Variants in ZNF654 observed in about 807,000 individuals in gnomAD.
The protein encoded by ZNF654 is melanoma-associated antigen.
A neutral mutation model predicts 95.3 loss-of-function variants in ZNF654; 19 were observed. That is an observed-to-expected ratio of 0.20 (90% CI 0.14 to 0.29). The LOEUF is 0.29. ZNF654 is among the 10% of genes least tolerant of loss of function. The probability of loss-of-function intolerance (pLI) is 1.00; values close to 1 mark genes in which losing one functional copy is unlikely to be tolerated. For synonymous variants in ZNF654, 413 were observed against 457.9 expected (o/e 0.90, Z 1.25); for missense variants, 1,046 against 1,341.0 (o/e 0.78, Z 3.44).
At chr3:88,064,269 A>C (rs1345595479) in intron 1 of ZNF654, among the ~76,000 whole-genome samples, 2 of 152,060 alleles carry the variant, frequency 1.3e-5, no homozygotes, top group Admixed American at 6.6e-5. Context: ...GTTGTTTTAG[A>C]TGGAATCAGT....
intron 2 of ZNF654, among the ~76,000 whole-genome samples, chr3:88,106,004 C>T (rs1008266402): frequency 1.3e-5 from 2 of 152,270 alleles, no homozygotes; most frequent in Admixed American, 6.5e-5. Context: ...AGCCTTCTTC[C>T]TCTCCAGAGG....
chr3:88,059,467 G>C lies in ZNF654; in HGVS notation c.148G>C (p.Gly50Arg). The C allele has an allele frequency of 1.3e-6, 2 of 1,519,806 alleles. No homozygotes were observed. The highest frequency in any genetic ancestry group is 1.2e-5 in the South Asian group (1 of 82,334). 94.1% of individuals were successfully genotyped at this position (1,519,806 alleles called of 1,614,324 possible). The change falls in exon 1 of 9, where the codon GGA (glycine) becomes CGA (arginine). Residue 50 changes from glycine (G) to arginine (R), a missense_variant. By Grantham distance (125) the Gly-to-Arg change is moderately radical. This residue lies in a region of ZNF654 where 89 missense variants were observed against 77.9 expected (regional missense o/e 1.14). Coordinates refer to ENST00000636215, the MANE Select transcript of ZNF654 (RefSeq NM_001350134.2). ...AGSGNCGGGV[G>R]ISSRDYCRRF... is the part of the protein sequence containing the mutation. ...CAGCGGCAACTGCGGCGGCGGCGTCGGAATCAGCAGTCGGGATTACTGCCG... is the reference window on the plus strand; with the variant it reads ...CAGCGGCAACTGCGGCGGCGGCGTCCGAATCAGCAGTCGGGATTACTGCCG...
chr3:88,100,584 G>T (rs927978182), intron 2 of ZNF654, among the ~76,000 whole-genome samples: 6 of 152,292 alleles, frequency 3.9e-5, no homozygotes, highest in Admixed American at 2.0e-4. Flanking sequence ...TGATAGACTG[G>T]ATTAAGAAAA....
At chr3:88,108,948 G>A (rs780081907) in intron 2 of ZNF654, among the ~76,000 whole-genome samples, 18 of 152,102 alleles carry the variant, frequency 1.2e-4, no homozygotes, top group East Asian at 1.9e-4. Flanking sequence ...ACCTCAAACC[G>A]CAAAATTTAA....
Position 88,140,902 on chromosome 3 carries a change from C to G in ZNF654, c.3233C>G (p.Ser1078Cys), listed in dbSNP as rs1559739177. 2 of 1,613,490 alleles carry G rather than the reference C, an allele frequency of 1.2e-6. No homozygotes were observed. The highest frequency in any genetic ancestry group is 1.7e-6 in the Non-Finnish European group (2 of 1,179,628). ...CTGACTGATAGAGTAGATGCCTGTTCTGATCAAGATAACGTGTATAAAAAA... is the reference window on the plus strand; with the variant it reads ...CTGACTGATAGAGTAGATGCCTGTTGTGATCAAGATAACGTGTATAAAAAA... ...KFLTDRVDAC[S>C]DQDNVYKKSV... The change falls in exon 8 of 9, where the codon TCT becomes TGT. Residue 1078 changes from serine (S) to cysteine (C), a missense_variant. By Grantham distance (112) the Ser-to-Cys change is moderately radical. Transcript: ENST00000636215.
At chr3:88,096,975 C>A (rs567675430) in intron 2 of ZNF654, among the ~76,000 whole-genome samples, 7 of 152,058 alleles carry the variant, frequency 4.6e-5, no homozygotes, top group Non-Finnish European at 1.0e-4. Flanking sequence ...CACTTAGATA[C>A]CTTTCCCCAT....
chr3:88,087,103 C>T (rs1166768351), intron 2 of ZNF654, among the ~76,000 whole-genome samples: 1 of 146,872 alleles, frequency 6.8e-6, no homozygotes, highest in Non-Finnish European at 1.5e-5. Flanking sequence ...TTTTTTGAGA[C>T]AGAGTCTCTC....
At chr3:88,127,583 G>T (rs1381425615) in intron 4 of ZNF654, among the ~76,000 whole-genome samples, 1 of 152,144 alleles carries the variant, frequency 6.6e-6, no homozygotes, top group Admixed American at 6.6e-5. Flanking sequence ...TGTGCCCAGA[G>T]GGGAAGAAGC....
In ZNF654 at chr3:88,135,067, G is replaced by C; in HGVS notation, c.900G>C (p.Leu300Phe). 2 of 1,411,400 alleles carry C rather than the reference G, an allele frequency of 1.4e-6. No homozygotes were observed. Among genetic ancestry groups the C allele is most frequent in the Non-Finnish European group, 1.8e-6 (2 of 1,089,164 alleles). 87.4% of individuals were successfully genotyped at this position (1,411,400 alleles called of 1,614,324 possible). Residue 300 changes from leucine (L) to phenylalanine (F), a missense_variant, in exon 7 of 9, where the codon TTG becomes TTC. Leu to Phe is a conservative substitution (Grantham distance 22, BLOSUM62 0). Transcript: ENST00000636215. ...QNGDMYCIWE[L>F]IFIWSKLQLK... Reference sequence around the variant, plus strand: ...CTTTTTTTCTCATTTACAGGGAGTTGATTTTCATATGGAGTAAACTACAGC... The same window carrying C: ...CTTTTTTTCTCATTTACAGGGAGTTCATTTTCATATGGAGTAAACTACAGC...
At chr3:88,113,044 A>G (rs1705189447) in intron 2 of ZNF654, 71 bp from the exon 3 acceptor site, 12 of 1,035,666 alleles carry the variant, frequency 1.2e-5, no homozygotes, top group Admixed American at 2.4e-5. Flanking sequence ...GATAGCTGAT[A>G]CTGTTTGATA....
intron 2 of ZNF654, among the ~76,000 whole-genome samples, chr3:88,090,472 A>ATG (rs1167013138): frequency 6.6e-6 from 1 of 152,194 alleles, no homozygotes; most frequent in Non-Finnish European, 1.5e-5. Flanking sequence ...AGCTGTACAA[A>ATG]TGTGTTTGTG....
chr3:88,136,678 G>C (rs1706805191), intron 7 of ZNF654, among the ~76,000 whole-genome samples: 1 of 152,178 alleles, frequency 6.6e-6, no homozygotes, highest in Non-Finnish European at 1.5e-5. Context: ...TGGGGGATGA[G>C]ACTAATGGCA....
intron 3 of ZNF654, among the ~76,000 whole-genome samples, chr3:88,119,390 T>TAGGGGGA (rs1559722812): frequency 2.4e-5 from 1 of 41,958 alleles, no homozygotes; most frequent in Non-Finnish European, 4.3e-5. Flanking sequence ...TGTTGTGGGG[T>TAGGGGGA]GGGGGGAGGG....
At chr3:88,092,659 TTTGC>T (rs1258840555) in intron 2 of ZNF654, among the ~76,000 whole-genome samples, 4 of 152,224 alleles carry the variant, frequency 2.6e-5, no homozygotes, top group Non-Finnish European at 4.4e-5. Context: ...AAATTTTTTA[TTTGC>T]TTGACATATG....
chr3:88,118,848 C>G (rs958704656), intron 3 of ZNF654, among the ~76,000 whole-genome samples: 35 of 151,932 alleles, frequency 2.3e-4, no homozygotes, highest in Non-Finnish European at 3.7e-4. Flanking sequence ...CCATCTCACA[C>G]CAGTTAGAAT....
At chr3:88,123,099 A>G (rs1481481176) in intron 3 of ZNF654, among the ~76,000 whole-genome samples, 1 of 152,134 alleles carries the variant, frequency 6.6e-6, no homozygotes, top group Non-Finnish European at 1.5e-5. Context: ...TTCTACAGTA[A>G]TTTAAGTGCT....
chr3:88,084,131 CT>C (rs1708223892), intron 1 of ZNF654, among the ~76,000 whole-genome samples: 1 of 152,122 alleles, frequency 6.6e-6, no homozygotes. Context: ...CCCACAAGGA[CT>C]TTTATTGTGT....
intron 2 of ZNF654, among the ~76,000 whole-genome samples, chr3:88,111,256 A>G (rs1448704787): frequency 6.6e-6 from 1 of 152,018 alleles, no homozygotes; most frequent in Non-Finnish European, 1.5e-5. Context: ...AAAAATTACA[A>G]AACGATTAAT....
chr3:88,139,877 CAT>C lies in ZNF654; in HGVS notation c.2213_2214del (p.Tyr738CysfsTer9). The C allele has an allele frequency of 6.2e-7, 1 of 1,609,998 alleles. No individual in the cohort carries two copies. On this transcript the variant is annotated frameshift_variant, in exon 8 of 9. Coordinates refer to ENST00000636215, the MANE Select transcript of ZNF654 (RefSeq NM_001350134.2). LOFTEE classifies it high-confidence loss of function. ...INGTVCHPKD[I>X]YATDQEGNFK... ...ATGGAACTGTGTGCCATCCAAAAGACATATATGCCACAGATCAAGAAGGAAAC... is the reference window on the plus strand; with the variant it reads ...ATGGAACTGTGTGCCATCCAAAAGACATATGCCACAGATCAAGAAGGAAAC...
Sources: gnomAD v4.1 joint callset for allele counts (sites outside exome capture counted in the v4.1 genomes callset) on GRCh38, gnomAD v4.1.1 for gene constraint, gnomAD v4.1.1 regional missense constraint, MANE v1.5 for transcripts, NCBI Gene and HGNC (gene_info 2026-07-23, HGNC 2026-07-21) for gene names.